RALGPS2: variants seen among roughly 807,000 people sequenced by gnomAD.
RALGPS2 encodes ras-specific guanine nucleotide-releasing factor RalGPS2.
Under a neutral mutation model 86.8 loss-of-function variants are expected in RALGPS2, and 43 were observed. The ratio of observed to expected loss-of-function variants is 0.50; its 90% CI spans 0.39 to 0.64. The LOEUF (loss-of-function observed/expected upper bound fraction) is 0.64. Ranked by LOEUF, RALGPS2 falls within the 30% of genes least tolerant of loss-of-function variation. RALGPS2 has a pLI of 0.00. For synonymous variants in RALGPS2, 243 were observed against 231.3 expected (o/e 1.05, Z -0.46); for missense variants, 536 against 694.6 (o/e 0.77, Z 2.57).
At chr1:178,866,295 C>G (rs1410294652) in intron 8 of RALGPS2, among the ~76,000 whole-genome samples, 1 of 152,136 alleles carries the variant, frequency 6.6e-6, no homozygotes, top group Admixed American at 6.6e-5. Context: ...CCATGCAATT[C>G]CAATTAAATT....
At chr1:178,870,350 C>T (rs777429413) in intron 8 of RALGPS2, among the ~76,000 whole-genome samples, 1 of 152,128 alleles carries the variant, frequency 6.6e-6, no homozygotes, top group Non-Finnish European at 1.5e-5. Context: ...GGAAGAGAAA[C>T]TAATTGTGTT....
chr1:178,728,278 C>T (rs1650139823), intron 1 of RALGPS2, among the ~76,000 whole-genome samples: 1 of 152,082 alleles, frequency 6.6e-6, no homozygotes, highest in Admixed American at 6.6e-5. Context: ...CCTTGATAAT[C>T]TGCTTTTTCA....
chr1:178,876,076 A>C (rs1658991147), intron 8 of RALGPS2, among the ~76,000 whole-genome samples: 1 of 152,202 alleles, frequency 6.6e-6, no homozygotes, highest in African/African-American at 2.4e-5. Flanking sequence ...TGATACTAGG[A>C]TGAGTAAAAA....
intron 8 of RALGPS2, among the ~76,000 whole-genome samples, chr1:178,835,881 T>A (rs1262537467): frequency 1.3e-5 from 2 of 152,216 alleles, no homozygotes; most frequent in Non-Finnish European, 2.9e-5. Flanking sequence ...GATTGCTTTC[T>A]TTTTCTCATT....
At chr1:178,901,772 T>A (rs1462790564) in intron 17 of RALGPS2, among the ~76,000 whole-genome samples, 1 of 151,748 alleles carries the variant, frequency 6.6e-6, no homozygotes, top group Admixed American at 6.6e-5. Flanking sequence ...AATGCAAATG[T>A]CCTTCCTATA....
intron 8 of RALGPS2, among the ~76,000 whole-genome samples, chr1:178,869,610 A>T (rs574048369): frequency 1.3e-5 from 2 of 152,234 alleles, no homozygotes; most frequent in African/African-American, 4.8e-5. Context: ...AAATTTTGTT[A>T]GAATTTCTTG....
In RALGPS2 at chr1:178,797,802, C is replaced by G. The variant is rs571169752; in HGVS notation, c.214-10243C>G. ...AACTATTGCATCACCACAAAGATCT[C>G]TCCCTGTGCTACCTCTTTATAGTCA... On this transcript the variant is annotated intron_variant, in intron 4 of 19. Coordinates refer to ENST00000367635, the MANE Select transcript of RALGPS2 (RefSeq NM_152663.5). 7.9e-5 allele frequency among the ~76,000 whole-genome samples: 12 copies of G among 152,138 alleles called. No homozygotes were observed. In the South Asian group the frequency reaches 2.3e-3, roughly 29 times the overall value.
chr1:178,740,571 A>C (rs1032777996), intron 1 of RALGPS2, among the ~76,000 whole-genome samples: 2 of 152,256 alleles, frequency 1.3e-5, no homozygotes, highest in Non-Finnish European at 2.9e-5. Context: ...GCTATGAATT[A>C]CAGAAATGAT....
intron 1 of RALGPS2, among the ~76,000 whole-genome samples, chr1:178,766,152 C>G (rs1352689102): frequency 6.6e-6 from 1 of 152,160 alleles, no homozygotes; most frequent in Non-Finnish European, 1.5e-5. Flanking sequence ...GCAGTAAAGA[C>G]AGGTGTAAGA....
At chr1:178,889,793 C>A in intron 14 of RALGPS2, 97 bp downstream of exon 14, 1 of 817,872 alleles carries the variant, frequency 1.2e-6, no homozygotes, top group South Asian at 1.8e-5. Flanking sequence ...CTACATATCC[C>A]TAAGCGATTA....
chr1:178,892,795 G>C (rs1192027732), intron 15 of RALGPS2, among the ~76,000 whole-genome samples: 1 of 152,052 alleles, frequency 6.6e-6, no homozygotes, highest in African/African-American at 2.4e-5. Flanking sequence ...TTGTTTGTCT[G>C]GTTAAACCAG....
At chr1:178,745,584 T>G (rs143355762) in intron 1 of RALGPS2, among the ~76,000 whole-genome samples, 4 of 152,096 alleles carry the variant, frequency 2.6e-5, no homozygotes, top group African/African-American at 9.7e-5. Context: ...TGCAAACAAA[T>G]GAACTTCAGT....
chr1:178,816,523 C>T (rs1459920678), intron 6 of RALGPS2, among the ~76,000 whole-genome samples: 3 of 151,708 alleles, frequency 2.0e-5, no homozygotes, highest in African/African-American at 7.3e-5. Flanking sequence ...CTATGCCTTG[C>T]GTTTTTATTT....
intron 4 of RALGPS2, among the ~76,000 whole-genome samples, chr1:178,807,796 G>T (rs934433933): frequency 6.6e-6 from 1 of 152,144 alleles, no homozygotes; most frequent in Non-Finnish European, 1.5e-5. Flanking sequence ...TTTCAGAAAA[G>T]AATCCACCAG....
chr1:178,874,246 T>C (rs927960788), intron 8 of RALGPS2, among the ~76,000 whole-genome samples: 11 of 152,204 alleles, frequency 7.2e-5, no homozygotes, highest in African/African-American at 2.7e-4. Context: ...AGTTCTTTTT[T>C]AAAGTAGTTT....
chr1:178,754,516 T>C (rs1651854361), intron 1 of RALGPS2, among the ~76,000 whole-genome samples: 1 of 152,160 alleles, frequency 6.6e-6, no homozygotes, highest in South Asian at 2.1e-4. Context: ...AAAACACCAA[T>C]GTTCAGTTAA....
intron 8 of RALGPS2, among the ~76,000 whole-genome samples, chr1:178,875,324 A>C (rs1254299778): frequency 6.6e-6 from 1 of 152,212 alleles, no homozygotes; most frequent in Non-Finnish European, 1.5e-5. Flanking sequence ...AGAATAAAAG[A>C]AGTGTACTAT....
At chr1:178,830,711 T>C (rs1655973639) in intron 7 of RALGPS2, among the ~76,000 whole-genome samples, 1 of 152,146 alleles carries the variant, frequency 6.6e-6, no homozygotes, top group African/African-American at 2.4e-5. Context: ...TTAGATAAGA[T>C]ACAGAAAGCT....
intron 1 of RALGPS2, among the ~76,000 whole-genome samples, chr1:178,752,381 C>T (rs1420473625): frequency 2.0e-5 from 3 of 148,620 alleles, no homozygotes; most frequent in Admixed American, 2.0e-4. Flanking sequence ...CTAGGCTGGT[C>T]TCAAACTCCT....
Sources: gnomAD v4.1 joint callset for allele counts (sites outside exome capture counted in the v4.1 genomes callset) on GRCh38, gnomAD v4.1.1 for gene constraint, MANE v1.5 for transcripts, NCBI Gene and HGNC (gene_info 2026-07-23, HGNC 2026-07-21) for gene names.